NFYC: variants seen among roughly 807,000 people sequenced by gnomAD.
NFYC encodes CAAT box DNA-binding protein subunit C.
In NFYC, 25 loss-of-function variants were observed where a neutral mutation model predicts 53.1. The observed-to-expected ratio is 0.47, with a 90% CI of 0.34 to 0.66. NFYC has a LOEUF of 0.66. Among genes scored for constraint, NFYC ranks in the 30% least tolerant of loss-of-function variants. The pLI is 0.01. For synonymous variants in NFYC, 145 were observed against 152.6 expected (o/e 0.95, Z 0.37); for missense variants, 260 against 422.7 (o/e 0.62, Z 3.38).
At chr1:40,736,368 T>C (rs1046755673) in intron 1 of NFYC, among the ~76,000 whole-genome samples, 3 of 152,200 alleles carry the variant, frequency 2.0e-5, no homozygotes, top group African/African-American at 7.2e-5. Flanking sequence ...AACCTAGAGT[T>C]GTCAGCTTTC....
chr1:40,714,953 G>A (rs895241681), intron 1 of NFYC, among the ~76,000 whole-genome samples: 4 of 152,084 alleles, frequency 2.6e-5, no homozygotes, highest in East Asian at 1.9e-4. Context: ...GGTGGCGGGC[G>A]CCTGTAGTCC....
chr1:40,708,528 A>T (rs1363523135), intron 1 of NFYC, among the ~76,000 whole-genome samples: 1 of 152,128 alleles, frequency 6.6e-6, no homozygotes, highest in Non-Finnish European at 1.5e-5. Flanking sequence ...CCTTATCATT[A>T]TATTTCCTTC....
At chr1:40,695,181 G>T (rs866052989) in intron 1 of NFYC, among the ~76,000 whole-genome samples, 33 of 152,154 alleles carry the variant, frequency 2.2e-4, no homozygotes, top group African/African-American at 7.7e-4. Context: ...AGAGGTTGCA[G>T]TGAGCTGAGA....
In NFYC at chr1:40,770,749, A is replaced by C; in HGVS notation, c.929A>C (p.Gln310Pro). The change falls in exon 10 of 10, where the codon CAG (glutamine) becomes CCG (proline). Residue 310 changes from glutamine to proline, a missense_variant. Transcript: ENST00000447388. This position sits in a 1 kb window ranked among gnomAD's most constrained non-coding sequence, Gnocchi z 5.3. Reference sequence around the variant, plus strand: ...CAGCAAGTCACCATGCCTGCGGGCCAGGACCTCGCCCAGCCCATGTTCATC... The same window carrying C: ...CAGCAAGTCACCATGCCTGCGGGCCCGGACCTCGCCCAGCCCATGTTCATC... ...QIQQVTMPAGQDLAQPMFIQS... is the reference protein window; with the variant it reads ...QIQQVTMPAGPDLAQPMFIQS... The C allele has an allele frequency of 6.2e-7, 1 of 1,613,952 alleles. No homozygotes were observed. The highest frequency in any genetic ancestry group is 8.5e-7 in the Non-Finnish European group (1 of 1,180,018).
At chr1:40,695,795 A>T (rs1643099910) in intron 1 of NFYC, 1 of 152,166 alleles carries the variant, frequency 6.6e-6, no homozygotes, top group Non-Finnish European at 1.5e-5. Flanking sequence ...AGCCACTAGG[A>T]TCTGTGAATC....
intron 1 of NFYC, among the ~76,000 whole-genome samples, chr1:40,696,488 G>T (rs371068649): frequency 2.6e-4 from 39 of 152,362 alleles, no homozygotes; most frequent in South Asian, 1.4e-3. Flanking sequence ...CTCCAAAAGA[G>T]TGAGATGACC....
At chr1:40,725,439 C>T (rs1387437186) in intron 1 of NFYC, among the ~76,000 whole-genome samples, 1 of 152,184 alleles carries the variant, frequency 6.6e-6, no homozygotes, top group African/African-American at 2.4e-5. Context: ...ATTTCCAGAC[C>T]AGTGCTGTTT....
chr1:40,740,557 T>C (rs1376557363), intron 2 of NFYC, among the ~76,000 whole-genome samples: 3 of 152,270 alleles, frequency 2.0e-5, no homozygotes, highest in Non-Finnish European at 4.4e-5. Context: ...CAGACTGGCC[T>C]GGGTTCAGAG....
intron 2 of NFYC, among the ~76,000 whole-genome samples, chr1:40,739,368 A>G (rs1366585568): frequency 6.6e-6 from 1 of 152,206 alleles, no homozygotes; most frequent in Non-Finnish European, 1.5e-5. Flanking sequence ...GTGAGTCAGG[A>G]ACTCTTTCTA....
intron 1 of NFYC, among the ~76,000 whole-genome samples, chr1:40,709,071 G>T (rs1570351006): frequency 6.6e-6 from 1 of 152,186 alleles, no homozygotes; most frequent in African/African-American, 2.4e-5. Flanking sequence ...TGTTTTAGAA[G>T]CACATGATGC....
intron 1 of NFYC, 25 bp from the exon 2 acceptor site, chr1:40,738,811 G>A (rs1203460316): frequency 2.0e-6 from 3 of 1,528,484 alleles, no homozygotes; most frequent in Admixed American, 1.7e-5. Context: ...TTTCTAATGT[G>A]TCTTATGTAT....
At chr1:40,726,158 C>T (rs1205497523) in intron 1 of NFYC, among the ~76,000 whole-genome samples, 1 of 151,750 alleles carries the variant, frequency 6.6e-6, no homozygotes, top group Non-Finnish European at 1.5e-5. Context: ...GCTCCTGTTG[C>T]TCAGGCTGGA....
chr1:40,732,152 T>A (rs1022354985), intron 1 of NFYC, among the ~76,000 whole-genome samples: 1 of 152,200 alleles, frequency 6.6e-6, no homozygotes, highest in Non-Finnish European at 1.5e-5. Context: ...CCCAACAACA[T>A]CTATTTAGTT....
At chr1:40,737,656 A>G (rs1235032319) in intron 1 of NFYC, among the ~76,000 whole-genome samples, 1 of 151,822 alleles carries the variant, frequency 6.6e-6, no homozygotes, top group Non-Finnish European at 1.5e-5. Context: ...ACTGTCTTTA[A>G]GGCTTCCAGT....
intron 1 of NFYC, among the ~76,000 whole-genome samples, chr1:40,717,910 A>G (rs1365932374): frequency 1.3e-5 from 2 of 152,276 alleles, no homozygotes; most frequent in Non-Finnish European, 2.9e-5. Context: ...ACAATTAATT[A>G]CCAGGAATGA....
At chr1:40,713,205 G>A (rs543592405) in intron 1 of NFYC, among the ~76,000 whole-genome samples, 1 of 152,154 alleles carries the variant, frequency 6.6e-6, no homozygotes, top group Non-Finnish European at 1.5e-5. Flanking sequence ...CCCCCCCAGG[G>A]GTGGGGTTGA....
intron 1 of NFYC, chr1:40,712,891 G>T (rs1350059554): frequency 2.0e-5 from 3 of 151,096 alleles, no homozygotes; most frequent in Non-Finnish European, 4.4e-5. Flanking sequence ...AAATACAGAC[G>T]GGGTCTTGAT....
intron 8 of NFYC, chr1:40,767,190 C>T (rs1329304188): frequency 3.7e-6 from 2 of 543,546 alleles, no homozygotes; most frequent in Non-Finnish European, 6.7e-6. Context: ...GGCTATGAGT[C>T]ACAGATGGTG....
At chr1:40,722,127 T>C (rs4411127) in intron 1 of NFYC, among the ~76,000 whole-genome samples, 119,324 of 152,024 alleles carry the variant, frequency 0.78, 47,459 homozygotes, top group African/African-American at 0.9. Flanking sequence ...GCCAAGATCA[T>C]GCTACTGCAT....
Sources: allele counts gnomAD v4.1 joint callset (sites outside exome capture counted in the v4.1 genomes callset), GRCh38; gene constraint gnomAD v4.1.1; non-coding constraint Gnocchi (gnomAD v3.1); transcripts MANE v1.5; gene names NCBI Gene and HGNC (gene_info 2026-07-23, HGNC 2026-07-21).